Variants in UBE2W observed in about 807,000 individuals in gnomAD.
The protein encoded by UBE2W is ubiquitin conjugating enzyme E2 W, also known as ubiquitin-conjugating enzyme E2 W.
In UBE2W, 18 loss-of-function variants were observed where a neutral mutation model predicts 27.2. The observed-to-expected ratio is 0.66, with a 90% confidence interval of 0.46 to 0.98. UBE2W has a LOEUF of 0.98. Among genes scored for constraint, UBE2W ranks in the 50% least tolerant of loss-of-function variants. The pLI is 0.00. For synonymous variants in UBE2W, 53 were observed against 57.2 expected (o/e 0.93, Z 0.33); for missense variants, 90 against 180.2 (o/e 0.50, Z 2.87).
intron 1 of UBE2W, among the ~76,000 whole-genome samples, chr8:73,846,311 G>A (rs1810795778): frequency 6.6e-6 from 1 of 152,086 alleles, no homozygotes; most frequent in Admixed American, 6.6e-5. Context: ...CAGGAGAATT[G>A]CTTGAACCTG....
At position 73,878,802 on chromosome 8, in the gene UBE2W, T is replaced by C. The variant is rs1387918962; in HGVS notation, c.15+6A>G. ...GGCCCGCCCAGATGCAGCAAACTCC[T>C]CTCACCTGCATTGACGCCATGATGG... On this transcript the variant is annotated splice_donor_region_variant and intron_variant, in intron 1 of 5. Transcript: ENST00000602593. 1.3e-6 allele frequency: 2 copies of C among 1,549,384 alleles called. No individual in the cohort carries two copies. Among genetic ancestry groups the C allele is most frequent in the Non-Finnish European group, 1.7e-6 (2 of 1,145,634 alleles).
rs1808287940 is a variant in UBE2W at position 73,793,569 on chromosome 8, G to A, written c.*533C>T. On this transcript the variant is annotated 3_prime_UTR_variant, in exon 6 of 6. Transcript: ENST00000602593. Reference sequence around the variant, plus strand: ...ATGTTAATTCATGCTGTTAACCTTAGGATCACAGTGCATAGAATCCAAATA... The same window carrying A: ...ATGTTAATTCATGCTGTTAACCTTAAGATCACAGTGCATAGAATCCAAATA... 1 of 985,836 alleles carries A rather than the reference G, an allele frequency of 1.0e-6. No individual in the cohort carries two copies. Among genetic ancestry groups the A allele is most frequent in the Non-Finnish European group, 1.2e-6 (1 of 829,958 alleles). 61.1% of individuals were successfully genotyped at this position (985,836 alleles called of 1,614,324 possible).
chr8:73,852,472 T>A (rs748414566), intron 1 of UBE2W, among the ~76,000 whole-genome samples: 9 of 152,212 alleles, frequency 5.9e-5, no homozygotes, highest in Non-Finnish European at 1.2e-4. Context: ...GTTCTGTATC[T>A]TTCTCTCATT....
intron 3 of UBE2W, among the ~76,000 whole-genome samples, chr8:73,822,737 T>C (rs769173876): frequency 6.6e-6 from 1 of 150,644 alleles, no homozygotes; most frequent in Non-Finnish European, 1.5e-5. Context: ...TGAGCCAAGA[T>C]TGCACCACTG....
At chr8:73,862,313 C>T (rs1811564426) in intron 1 of UBE2W, among the ~76,000 whole-genome samples, 1 of 152,074 alleles carries the variant, frequency 6.6e-6, no homozygotes, top group South Asian at 2.1e-4. Context: ...ATCTTTAATC[C>T]ATCTTGAATT....
At chr8:73,805,474 A>AAAAAAAAAC (rs1563578043) in intron 5 of UBE2W, among the ~76,000 whole-genome samples, 177 bp downstream of exon 5, 2 of 144,334 alleles carry the variant, frequency 1.4e-5, no homozygotes, top group African/African-American at 5.0e-5. Flanking sequence ...AAAAAAAACA[A>AAAAAAAAAC]AAAAAACTAG....
chr8:73,863,593 A>AG (rs1274191173), intron 1 of UBE2W, among the ~76,000 whole-genome samples: 7 of 48,646 alleles, frequency 1.4e-4, no homozygotes, highest in African/African-American at 3.1e-4. Context: ...AAAAAAAAGA[A>AG]AAAAAAATAC....
chr8:73,841,795 G>C (rs554963980), intron 1 of UBE2W, among the ~76,000 whole-genome samples: 6 of 152,148 alleles, frequency 3.9e-5, no homozygotes, highest in Non-Finnish European at 7.4e-5. Context: ...AAATCCAATA[G>C]CAAAACCAAA....
intron 1 of UBE2W, among the ~76,000 whole-genome samples, chr8:73,853,545 A>G (rs2130954871): frequency 6.6e-6 from 1 of 152,274 alleles, no homozygotes; most frequent in East Asian, 1.9e-4. Flanking sequence ...AGAGATGTGA[A>G]CCATTGCGCC....
intron 1 of UBE2W, among the ~76,000 whole-genome samples, chr8:73,862,740 AAAC>A (rs1811580687): frequency 7.9e-6 from 1 of 126,720 alleles, no homozygotes; most frequent in African/African-American, 3.1e-5. Context: ...AGAAAAAAAC[AAAC>A]AACCCCATCA....
At chr8:73,875,064 A>G (rs1051387868) in intron 1 of UBE2W, among the ~76,000 whole-genome samples, 1 of 152,256 alleles carries the variant, frequency 6.6e-6, no homozygotes, top group African/African-American at 2.4e-5. Flanking sequence ...TTCTTAAAAC[A>G]TAATTTAACT....
intron 1 of UBE2W, among the ~76,000 whole-genome samples, chr8:73,852,342 G>T (rs1811116625): frequency 6.6e-6 from 1 of 152,080 alleles, no homozygotes. Flanking sequence ...TACTACCCTA[G>T]AATCAAATTT....
chr8:73,850,201 G>A (rs945682386), intron 1 of UBE2W, among the ~76,000 whole-genome samples: 3 of 152,182 alleles, frequency 2.0e-5, no homozygotes, highest in African/African-American at 7.2e-5. Context: ...ATTAGCTAAG[G>A]AAATATAATA....
intron 1 of UBE2W, among the ~76,000 whole-genome samples, chr8:73,844,804 G>A (rs532475626): frequency 6.2e-4 from 94 of 150,984 alleles, no homozygotes; most frequent in Non-Finnish European, 9.5e-4. Flanking sequence ...CCGCGACCCC[G>A]TCTGGGAACT....
At chr8:73,847,329 CAACA>C (rs1810854062) in intron 1 of UBE2W, among the ~76,000 whole-genome samples, 1 of 152,208 alleles carries the variant, frequency 6.6e-6, no homozygotes, top group South Asian at 2.1e-4. Flanking sequence ...GGTTAACACT[CAACA>C]AACTGGTAAG....
rs143712631 is a variant in UBE2W, at chr8:73,842,829, A to G, written c.16-12357T>C. Reference sequence around the variant, plus strand: ...AAATGTAGAAGTGTATTTTTTGTATAATTAAAAAATAACTCAATGGATGAT... The same window carrying G: ...AAATGTAGAAGTGTATTTTTTGTATGATTAAAAAATAACTCAATGGATGAT... On this transcript the variant is annotated intron_variant, in intron 1 of 5. Coordinates refer to ENST00000602593, the MANE Select transcript of UBE2W (RefSeq NM_018299.6). 4.6e-5 allele frequency among the ~76,000 whole-genome samples: 7 copies of G among 152,284 alleles called. No homozygotes were observed. In the East Asian group the frequency reaches 1.4e-3, roughly 29 times the overall value.
At chr8:73,810,912 A>T (rs1315493827) in intron 3 of UBE2W, among the ~76,000 whole-genome samples, 1 of 152,198 alleles carries the variant, frequency 6.6e-6, no homozygotes, top group Non-Finnish European at 1.5e-5. Context: ...CGTATTTTTT[A>T]CTAGTGAAAG....
At chr8:73,800,378 A>G (rs144320771) in intron 5 of UBE2W, among the ~76,000 whole-genome samples, 34 of 152,300 alleles carry the variant, frequency 2.2e-4, no homozygotes, top group African/African-American at 7.7e-4. Flanking sequence ...AGGAGAAAAT[A>G]TATTAAGAGA....
intron 1 of UBE2W, among the ~76,000 whole-genome samples, chr8:73,863,573 TATA>T (rs1259081956): frequency 8.0e-6 from 1 of 124,950 alleles, no homozygotes. Flanking sequence ...AAACTTAAAG[TATA>T]ATAAAAAAAA....
Sources: gnomAD v4.1 joint callset for allele counts (sites outside exome capture counted in the v4.1 genomes callset) on GRCh38, gnomAD v4.1.1 for gene constraint, MANE v1.5 for transcripts, NCBI Gene and HGNC (gene_info 2026-07-23, HGNC 2026-07-21) for gene names.